The following DENND2C variants were observed in gnomAD, a reference collection of about 807,000 sequenced individuals.
The protein encoded by DENND2C is DENN domain containing 2C.
Under a neutral mutation model 112.4 loss-of-function variants are expected in DENND2C, and 72 were observed. That is an observed-to-expected ratio of 0.64 (90% CI 0.53 to 0.78). The LOEUF (loss-of-function observed/expected upper bound fraction) is 0.78, where lower values mean the gene tolerates loss of function less well. Among genes scored for constraint, DENND2C ranks in the 30% least tolerant of loss-of-function variants. The pLI, the probability that DENND2C is intolerant of heterozygous loss-of-function variation, is 0.00. For synonymous variants in DENND2C, 329 were observed against 381.6 expected (o/e 0.86, Z 1.61); for missense variants, 992 against 1,113.8 (o/e 0.89, Z 1.56).
At chr1:114,668,554 C>CA (rs3220698) in intron 1 of DENND2C, among the ~76,000 whole-genome samples, 7 of 147,834 alleles carry the variant, frequency 4.7e-5, no homozygotes, top group African/African-American at 1.5e-4. Flanking sequence ...CACACACACA[C>CA]CCCAACTAAT....
At chr1:114,644,305 T>C (rs547553181) in intron 3 of DENND2C, among the ~76,000 whole-genome samples, 1 of 152,332 alleles carries the variant, frequency 6.6e-6, no homozygotes, top group South Asian at 2.1e-4. Context: ...TATCTGAAAT[T>C]GTGTTATTTA....
chr1:114,659,287 G>A (rs1033430659), intron 1 of DENND2C, among the ~76,000 whole-genome samples: 10 of 152,186 alleles, frequency 6.6e-5, no homozygotes, highest in Admixed American at 3.9e-4. Flanking sequence ...GATCACTTGC[G>A]GTCAGGAGTT....
In DENND2C at chr1:114,599,328, A is replaced by G; in HGVS notation, c.2229T>C (p.Leu743=). 1 of 1,614,008 alleles carries G rather than the reference A, an allele frequency of 6.2e-7. No individual in the cohort carries two copies. The highest frequency in any genetic ancestry group is 8.5e-7 in the Non-Finnish European group (1 of 1,179,914). ...IDIVCSPTPF[L]IGILSCSLPQ... The stretch of plus-strand genomic sequence containing the variant: ...GTAAGGAGCAAGACAGGATTCCAAT[A>G]AGGAATGGTGTAGGTGAGCACACGA... Residue 743 remains leucine (L), a synonymous_variant, in exon 16 of 21, where the codon CTT becomes CTC. Coordinates refer to ENST00000393274, the MANE Select transcript of DENND2C (RefSeq NM_001256404.2).
chr1:114,591,881 T>TTATTATTA (rs1557937879), intron 18 of DENND2C, among the ~76,000 whole-genome samples: 8 of 145,590 alleles, frequency 5.5e-5, no homozygotes, highest in African/African-American at 2.0e-4. Flanking sequence ...TATTATTATT[T>TTATTATTA]TTATTATTAT....
At chr1:114,626,711 C>T (rs1416759718) in intron 3 of DENND2C, among the ~76,000 whole-genome samples, 1 of 151,872 alleles carries the variant, frequency 6.6e-6, no homozygotes. Flanking sequence ...GGAGTTTCTC[C>T]ATGTTGCCCA....
At chr1:114,658,339 C>G (rs933686311) in intron 1 of DENND2C, among the ~76,000 whole-genome samples, 1 of 151,836 alleles carries the variant, frequency 6.6e-6, no homozygotes, top group Non-Finnish European at 1.5e-5. Flanking sequence ...TGAGAGGTAA[C>G]AAAACCAGGA....
chr1:114,607,422 C>T (rs545262142), intron 10 of DENND2C, among the ~76,000 whole-genome samples: 1 of 152,326 alleles, frequency 6.6e-6, no homozygotes, highest in East Asian at 1.9e-4. Context: ...CTTAGGAATG[C>T]AGGCTGTGTT....
intron 1 of DENND2C, among the ~76,000 whole-genome samples, chr1:114,667,191 G>A (rs1657669018): frequency 6.6e-6 from 1 of 151,840 alleles, no homozygotes; most frequent in African/African-American, 2.4e-5. Context: ...CTCTCTAATC[G>A]TCCTCCCTAC....
chr1:114,622,069 A>C lies in DENND2C; in HGVS notation c.1057-4T>G, dbSNP rs2101664008. On this transcript the variant is annotated splice_polypyrimidine_tract_variant and splice_region_variant and intron_variant, in intron 6 of 20. Coordinates refer to ENST00000393274, the MANE Select transcript of DENND2C (RefSeq NM_001256404.2). ...GGAACTGAGGTTTTGGAGGGAGCTAAAACAGGAGAAGATGTACTGGTAAGA... is the reference window on the plus strand; with the variant it reads ...GGAACTGAGGTTTTGGAGGGAGCTACAACAGGAGAAGATGTACTGGTAAGA... 4 of 1,528,880 alleles carry C rather than the reference A, an allele frequency of 2.6e-6. No individual in the cohort carries two copies. The South Asian group carries it at 3.7e-5, about 14-fold the overall frequency. The allele number at this position is 1,528,880 out of a possible 1,614,324, so 94.7% of individuals were successfully genotyped here.
chr1:114,646,865 CAG>C (rs771204362), intron 2 of DENND2C, among the ~76,000 whole-genome samples: 1 of 151,954 alleles, frequency 6.6e-6, no homozygotes, highest in Non-Finnish European at 1.5e-5. Flanking sequence ...CCTAGGTAAA[CAG>C]AGAATATTTA....
chr1:114,669,816 A>C (rs1368634081), intron 1 of DENND2C, among the ~76,000 whole-genome samples, 167 bp downstream of exon 1: 1 of 151,948 alleles, frequency 6.6e-6, no homozygotes, highest in Non-Finnish European at 1.5e-5. Context: ...GTGCCGAGAC[A>C]GCGGGGCGCG....
rs1656312027 is a variant in DENND2C at position 114,625,510 on chromosome 1, C to G, written c.475G>C (p.Asp159His). Residue 159 changes from aspartate to histidine, a missense_variant, in exon 4 of 21, where the codon GAT becomes CAT. Asp to His is a moderately conservative substitution (Grantham distance 81). Around this residue, in one of 3 missense-constraint regions of DENND2C, gnomAD observed 470 missense variants for 472.7 expected, o/e 0.99. Transcript: ENST00000393274. The stretch of plus-strand genomic sequence containing the variant: ...TCTAAAGCCAAATTTAAGAGTTTAT[C>G]TGGGGGAAGTGCTTCTATTTTCTTC... ...LWKKIEALPP[D>H]KLLNLALEHC... is the part of the protein sequence containing the mutation. The G allele has an allele frequency of 6.2e-7, 1 of 1,614,032 alleles. No individual in the cohort carries two copies. Among genetic ancestry groups the G allele is most frequent in the South Asian group, 1.1e-5 (1 of 91,082 alleles).
intron 16 of DENND2C, among the ~76,000 whole-genome samples, chr1:114,596,307 A>T (rs916042530): frequency 1.3e-5 from 2 of 152,116 alleles, no homozygotes; most frequent in Non-Finnish European, 2.9e-5. Flanking sequence ...GGCTGCAGTG[A>T]CTGTGATTGC....
At chr1:114,636,796 T>C (rs1656669901) in intron 3 of DENND2C, among the ~76,000 whole-genome samples, 1 of 152,084 alleles carries the variant, frequency 6.6e-6, no homozygotes, top group Admixed American at 6.6e-5. Context: ...TAGGAATTCC[T>C]AAGAAATCTA....
chr1:114,659,893 C>A (rs114213146), intron 1 of DENND2C, among the ~76,000 whole-genome samples: 1 of 150,414 alleles, frequency 6.6e-6, no homozygotes, highest in South Asian at 2.2e-4. Flanking sequence ...TGGGCTTACG[C>A]GATCCTTCTA....
intron 3 of DENND2C, among the ~76,000 whole-genome samples, chr1:114,642,196 C>T (rs1215419307): frequency 2.0e-5 from 3 of 152,208 alleles, no homozygotes; most frequent in Non-Finnish European, 4.4e-5. Context: ...AGTGATCCGT[C>T]CGCCTCGGCC....
rs189785250 is a variant in DENND2C at position 114,596,100 on chromosome 1, C to T, written c.2284-227G>A. 1.2e-4 allele frequency among the ~76,000 whole-genome samples: 18 copies of T among 152,242 alleles called. No individual in the cohort carries two copies. In the East Asian group the frequency reaches 3.1e-3, roughly 26 times the overall value. On this transcript the variant is annotated intron_variant, in intron 16 of 20. Transcript: ENST00000393274. The stretch of plus-strand genomic sequence containing the variant: ...TAAATACAGTGTGTGGGGCCAGGCA[C>T]GGTGGCTCACACCTGTAATCCCAGC...
At chr1:114,586,160 G>A (rs772775389) in intron 20 of DENND2C, among the ~76,000 whole-genome samples, 1 of 152,134 alleles carries the variant, frequency 6.6e-6, no homozygotes, top group African/African-American at 2.4e-5. Context: ...CCACACCCCT[G>A]TTCTCTTGTA....
intron 3 of DENND2C, among the ~76,000 whole-genome samples, chr1:114,640,304 T>A (rs1656798592): frequency 6.6e-6 from 1 of 152,190 alleles, no homozygotes; most frequent in East Asian, 1.9e-4. Context: ...ACTTTGAAAA[T>A]CAGTTCATGA....
Sources: allele counts gnomAD v4.1 joint callset (sites outside exome capture counted in the v4.1 genomes callset), GRCh38; gene constraint gnomAD v4.1.1; regional missense constraint gnomAD v4.1.1; transcripts MANE v1.5; gene names NCBI Gene and HGNC (gene_info 2026-07-23, HGNC 2026-07-21).